The following VPS53 variants were observed in gnomAD, a reference collection of about 807,000 sequenced individuals.
VPS53 encodes the protein vacuolar protein sorting-associated protein 53 homolog.
Under a neutral mutation model 107.0 loss-of-function variants are expected in VPS53, and 70 were observed. That is an observed-to-expected ratio of 0.65 (90% CI 0.54 to 0.80). The LOEUF (loss-of-function observed/expected upper bound fraction) is 0.80. Ranked by LOEUF, VPS53 falls within the 30% of genes least tolerant of loss-of-function variation. The pLI is 0.00. For missense variants in VPS53, 917 were observed against 1,049.4 expected (o/e 0.87, Z 1.74); for synonymous variants, 409 against 393.3 (o/e 1.04, Z -0.47).
intron 4 of VPS53, among the ~76,000 whole-genome samples, chr17:683,011 G>A (rs892492925): frequency 6.6e-6 from 1 of 152,152 alleles, no homozygotes. Flanking sequence ...AGGACATGGT[G>A]TCAGAGCTGA....
intron 19 of VPS53, chr17:523,339 C>G (rs371597806): frequency 6.6e-6 from 1 of 152,368 alleles, no homozygotes; most frequent in Non-Finnish European, 1.5e-5. Flanking sequence ...CACTCAACTC[C>G]GGTGATAACG....
chr17:540,447 C>T (rs1005083931), intron 17 of VPS53: 3 of 152,252 alleles, frequency 2.0e-5, no homozygotes, highest in African/African-American at 7.2e-5. Context: ...TCAAGCAATC[C>T]TCCTGCCTCA....
chr17:613,427 T>G (rs1968988559), intron 11 of VPS53, among the ~76,000 whole-genome samples: 1 of 151,840 alleles, frequency 6.6e-6, no homozygotes, highest in Non-Finnish European at 1.5e-5. Flanking sequence ...TGCACAGATA[T>G]TCACAGCAGT....
chr17:670,990 G>C (rs745447688), intron 4 of VPS53, among the ~76,000 whole-genome samples: 2 of 152,090 alleles, frequency 1.3e-5, no homozygotes, highest in Non-Finnish European at 2.9e-5. Context: ...CAGCACTTTC[G>C]GAGGCCGAGG....
At chr17:696,425 G>A (rs1178968880) in intron 4 of VPS53, among the ~76,000 whole-genome samples, 1 of 152,134 alleles carries the variant, frequency 6.6e-6, no homozygotes, top group East Asian at 1.9e-4. Context: ...TTAGAAATTA[G>A]CTGTCCTAAA....
intron 13 of VPS53, among the ~76,000 whole-genome samples, chr17:570,523 G>A (rs995072171): frequency 1.2e-4 from 18 of 152,070 alleles, no homozygotes; most frequent in African/African-American, 4.1e-4. Context: ...CCCAAACTGA[G>A]GGAAATTCCA....
rs1477380279 is a variant in VPS53, at chr17:613,812, CA to C, written c.1116+9720del. On this transcript the variant is annotated intron_variant, in intron 11 of 21. Transcript: ENST00000437048. ...TACAAATATTCACAGTGAGTTCACACAGTGAAAACCTGTACAGATACTCACA... is the reference window on the plus strand; with the variant it reads ...TACAAATATTCACAGTGAGTTCACACGTGAAAACCTGTACAGATACTCACA... Among the ~76,000 whole-genome samples the C allele has an allele frequency of 2.0e-5, 3 of 152,232 alleles. No individual in the cohort carries two copies. In the East Asian group the frequency reaches 5.8e-4, roughly 29 times the overall value.
At chr17:534,060 G>A (rs1369953192) in intron 18 of VPS53, among the ~76,000 whole-genome samples, 2 of 152,074 alleles carry the variant, frequency 1.3e-5, no homozygotes, top group Admixed American at 6.5e-5. Context: ...GGCTGGTCTC[G>A]AACTCCTGGC....
At chr17:678,650 A>ATATT (rs1026339383) in intron 4 of VPS53, among the ~76,000 whole-genome samples, 11 of 144,424 alleles carry the variant, frequency 7.6e-5, no homozygotes, top group African/African-American at 2.8e-4. Flanking sequence ...ATATATATAT[A>ATATT]TTTTTTTGAG....
chr17:597,157 T>G (rs1410850817), intron 12 of VPS53, among the ~76,000 whole-genome samples: 1 of 152,288 alleles, frequency 6.6e-6, no homozygotes, highest in South Asian at 2.1e-4. Flanking sequence ...CTCTCTCTTC[T>G]CAGCAGCGAG....
chr17:660,797 A>C (rs928135755), intron 5 of VPS53, among the ~76,000 whole-genome samples: 1 of 152,156 alleles, frequency 6.6e-6, no homozygotes, highest in African/African-American at 2.4e-5. Flanking sequence ...TTTAATTCTC[A>C]CAACAACCCT....
At chr17:693,245 A>G (rs1597494582) in intron 4 of VPS53, among the ~76,000 whole-genome samples, 1 of 152,336 alleles carries the variant, frequency 6.6e-6, no homozygotes. Context: ...ATGCTGGCAT[A>G]CTGTCATAAT....
chr17:611,901 C>T (rs1031802107), intron 11 of VPS53, among the ~76,000 whole-genome samples: 11 of 151,724 alleles, frequency 7.3e-5, no homozygotes, highest in African/African-American at 2.4e-4. Context: ...CTGATATTCA[C>T]AGCAGTATTC....
At chr17:533,545 C>A (rs1269722162) in intron 18 of VPS53, among the ~76,000 whole-genome samples, 1 of 152,208 alleles carries the variant, frequency 6.6e-6, no homozygotes, top group African/African-American at 2.4e-5. Flanking sequence ...CTCGCCTGGA[C>A]TGCCTTTCCT....
intron 13 of VPS53, among the ~76,000 whole-genome samples, chr17:584,642 T>A (rs1336796255): frequency 3.9e-5 from 6 of 152,096 alleles, no homozygotes; most frequent in Non-Finnish European, 8.8e-5. Context: ...CACCTCAGCC[T>A]CTCGAGTAGC....
chr17:610,911 C>T (rs893097780), intron 11 of VPS53, among the ~76,000 whole-genome samples: 1 of 150,780 alleles, frequency 6.6e-6, no homozygotes, highest in Non-Finnish European at 1.5e-5. Flanking sequence ...GAACTCCAGC[C>T]TGGGCAACAG....
chr17:628,309 T>C lies in VPS53; in HGVS notation c.688-78A>G, dbSNP rs894418741. On this transcript the variant is annotated intron_variant, in intron 8 of 21. Coordinates refer to ENST00000437048, the MANE Select transcript of VPS53 (RefSeq NM_001128159.3). ...CATGGCTTCTCACAGCCACTACTTG[T>C]TATCTCTACGCATTGTCAGTCTTAC... 1.9e-6 allele frequency: 3 copies of C among 1,543,448 alleles called. No individual in the cohort carries two copies. The Admixed American group carries it at 5.7e-5, about 29-fold the overall frequency.
chr17:644,398 T>C (rs999961926), intron 7 of VPS53, among the ~76,000 whole-genome samples: 7 of 152,188 alleles, frequency 4.6e-5, no homozygotes, highest in African/African-American at 1.4e-4. Context: ...CAAATAGCTA[T>C]TTCTCTCATT....
At chr17:650,018 A>G (rs1970874499) in intron 7 of VPS53, among the ~76,000 whole-genome samples, 1 of 152,250 alleles carries the variant, frequency 6.6e-6, no homozygotes, top group Non-Finnish European at 1.5e-5. Flanking sequence ...AAAAGGACAA[A>G]GAGACAGAAA....
Sources: allele counts gnomAD v4.1 joint callset (sites outside exome capture counted in the v4.1 genomes callset), GRCh38; gene constraint gnomAD v4.1.1; transcripts MANE v1.5; gene names NCBI Gene and HGNC (gene_info 2026-07-23, HGNC 2026-07-21).